The following LARGE1 variants were observed in gnomAD, a reference collection of about 807,000 sequenced individuals.
LARGE1 encodes the protein xylosyl- and glucuronyltransferase LARGE1.
LARGE1 carries 43 observed loss-of-function variants against 87.6 expected under a neutral mutation model. That is an observed-to-expected ratio of 0.49 (90% CI 0.38 to 0.63). The LOEUF (loss-of-function observed/expected upper bound fraction) is 0.63, where lower values mean the gene tolerates loss of function less well. Among genes scored for constraint, LARGE1 ranks in the 30% least tolerant of loss-of-function variants. LARGE1 has a pLI of 0.00. For synonymous variants in LARGE1, 434 were observed against 394.6 expected (o/e 1.10, Z -1.18); for missense variants, 802 against 1,000.2 (o/e 0.80, Z 2.67).
intron 7 of LARGE1, among the ~76,000 whole-genome samples, chr22:33,411,192 T>G (rs749809298): frequency 3.9e-5 from 6 of 152,100 alleles, no homozygotes; most frequent in Non-Finnish European, 8.8e-5. Flanking sequence ...AGACACATTT[T>G]CAGGAACGGC....
intron 4 of LARGE1, among the ~76,000 whole-genome samples, chr22:33,625,077 C>T (rs1161570707): frequency 1.3e-5 from 2 of 152,212 alleles, no homozygotes; most frequent in Non-Finnish European, 2.9e-5. Flanking sequence ...GCATTTTACA[C>T]TGATCTCTGT....
chr22:33,543,086 G>C (rs1298967443), intron 6 of LARGE1, among the ~76,000 whole-genome samples: 2 of 152,088 alleles, frequency 1.3e-5, no homozygotes, highest in East Asian at 1.9e-4. Context: ...AGACTGGAAA[G>C]AAAATTTATC....
chr22:33,361,612 A>C (rs1052648534), intron 9 of LARGE1, among the ~76,000 whole-genome samples: 1 of 148,432 alleles, frequency 6.7e-6, no homozygotes, highest in African/African-American at 2.5e-5. Flanking sequence ...CAGATGGGGA[A>C]GGAAGAGAGT....
At chr22:33,626,967 C>G (rs577867092) in intron 3 of LARGE1, among the ~76,000 whole-genome samples, 5 of 152,182 alleles carry the variant, frequency 3.3e-5, no homozygotes, top group Admixed American at 1.3e-4. Context: ...GACTCACTGC[C>G]ATTTAAGCGT....
At chr22:33,148,438 T>C in the LARGE1 span, among the ~76,000 whole-genome samples, 1 of 152,228 alleles carries the variant, frequency 6.6e-6, no homozygotes, top group African/African-American at 2.4e-5. Context: ...TAGTAGGCCA[T>C]TGCATGAATA....
At chr22:33,672,513 G>A (rs1603083093) in intron 2 of LARGE1, among the ~76,000 whole-genome samples, 1 of 152,190 alleles carries the variant, frequency 6.6e-6, no homozygotes, top group Non-Finnish European at 1.5e-5. Context: ...GGGTCTGTCT[G>A]CCTGTAGACA....
intron 3 of LARGE1, among the ~76,000 whole-genome samples, chr22:33,647,768 T>C (rs567242600): frequency 1.3e-5 from 2 of 152,246 alleles, no homozygotes; most frequent in South Asian, 4.1e-4. Context: ...TGATTTTTTT[T>C]TTCTTTTGAG....
At chr22:33,199,843 CTTT>C (rs3071494) in intron 11 of LARGE1, among the ~76,000 whole-genome samples, 16,826 of 146,700 alleles carry the variant, frequency 0.11, 1,161 homozygotes, top group South Asian at 0.24. Flanking sequence ...CGTGCAGACA[CTTT>C]TTTTTTTTTT....
chr22:33,481,405 A>G (rs1012988359), intron 6 of LARGE1, among the ~76,000 whole-genome samples: 2 of 151,962 alleles, frequency 1.3e-5, no homozygotes, highest in African/African-American at 2.4e-5. Context: ...GTGGGCCATT[A>G]TTTTTTTAAA....
the LARGE1 span, among the ~76,000 whole-genome samples, chr22:33,104,957 CTT>C: frequency 6.9e-6 from 1 of 143,900 alleles, no homozygotes; most frequent in Non-Finnish European, 1.5e-5. Context: ...CTCTTTCTCT[CTT>C]TCTCTCTTTC....
At chr22:33,572,465 T>C (rs554532164) in intron 5 of LARGE1, among the ~76,000 whole-genome samples, 41 of 152,222 alleles carry the variant, frequency 2.7e-4, no homozygotes, top group African/African-American at 9.9e-4. Context: ...GTCACCTCTC[T>C]AAGTCTCAAG....
chr22:33,546,191 A>G (rs185342558), intron 6 of LARGE1, among the ~76,000 whole-genome samples: 7 of 152,220 alleles, frequency 4.6e-5, no homozygotes, highest in Admixed American at 3.9e-4. Flanking sequence ...CCTAGCTCCT[A>G]CCTACTTTTC....
chr22:33,276,385 T>TA (rs1177799716), intron 14 of LARGE1, among the ~76,000 whole-genome samples: 1 of 152,208 alleles, frequency 6.6e-6, no homozygotes, highest in Non-Finnish European at 1.5e-5. Flanking sequence ...CCCATTTGTT[T>TA]AAAGACTGTA....
the LARGE1 span, among the ~76,000 whole-genome samples, chr22:33,088,887 A>G: frequency 6.6e-6 from 1 of 152,184 alleles, no homozygotes; most frequent in Non-Finnish European, 1.5e-5. Flanking sequence ...CACAAGGTTA[A>G]TTACAGTGTG....
chr22:33,800,556 C>T (rs900438503), intron 1 of LARGE1, among the ~76,000 whole-genome samples: 1 of 152,182 alleles, frequency 6.6e-6, no homozygotes, highest in Non-Finnish European at 1.5e-5. Context: ...ATTATACTCA[C>T]ACCCCACCCT....
chr22:33,856,239 C>T (rs768438284), intron 1 of LARGE1, among the ~76,000 whole-genome samples: 2 of 152,186 alleles, frequency 1.3e-5, no homozygotes, highest in African/African-American at 4.8e-5. Flanking sequence ...CTCAGGGGGC[C>T]ATGCTCCTCT....
intron 6 of LARGE1, among the ~76,000 whole-genome samples, chr22:33,498,749 A>T (rs2070280863): frequency 6.6e-6 from 1 of 152,184 alleles, no homozygotes; most frequent in South Asian, 2.1e-4. Context: ...AGGTGGGCGG[A>T]TCACGAGGTC....
chr22:33,234,358 T>C (rs1926149568), intron 11 of LARGE1, among the ~76,000 whole-genome samples: 1 of 152,206 alleles, frequency 6.6e-6, no homozygotes, highest in African/African-American at 2.4e-5. Context: ...ACCTGTCATG[T>C]GTCTGGAAGG....
At chr22:33,614,202 T>TA (rs2079518597) in intron 4 of LARGE1, among the ~76,000 whole-genome samples, 1 of 152,188 alleles carries the variant, frequency 6.6e-6, no homozygotes, top group African/African-American at 2.4e-5. Context: ...GCTCCTACCT[T>TA]ACAGTTATTG....
Sources: allele counts gnomAD v4.1 joint callset (sites outside exome capture counted in the v4.1 genomes callset), GRCh38; gene constraint gnomAD v4.1.1; transcripts MANE v1.5; gene names NCBI Gene and HGNC (gene_info 2026-07-23, HGNC 2026-07-21).